The following PIP5K1B variants were observed in gnomAD, a reference collection of about 807,000 sequenced individuals.
The protein encoded by PIP5K1B is phosphatidylinositol-4-phosphate 5-kinase type 1 beta.
In PIP5K1B, 42 loss-of-function variants were observed where a neutral mutation model predicts 67.0. That is an observed-to-expected ratio of 0.63 (90% CI 0.49 to 0.81). The LOEUF (loss-of-function observed/expected upper bound fraction) is 0.81. PIP5K1B is among the 30% of genes least tolerant of loss of function. The pLI is 0.00. For missense variants in PIP5K1B, 459 were observed against 646.3 expected, an observed-to-expected ratio of 0.71 and a Z score of 3.14; for synonymous variants, 214 against 231.4, an observed-to-expected ratio of 0.92 and a Z score of 0.68.
intron 11 of PIP5K1B, among the ~76,000 whole-genome samples, chr9:68,922,966 G>C (rs1031461197): frequency 2.6e-4 from 40 of 152,174 alleles, no homozygotes; most frequent in African/African-American, 4.8e-5. Flanking sequence ...CTGGTTGCCT[G>C]TATGTAAAAA....
chr9:68,861,011 A>G (rs1250172604), intron 4 of PIP5K1B, among the ~76,000 whole-genome samples: 1 of 152,208 alleles, frequency 6.6e-6, no homozygotes, highest in Non-Finnish European at 1.5e-5. Context: ...TTTAGTAGTA[A>G]ACACTACATT....
intron 14 of PIP5K1B, among the ~76,000 whole-genome samples, chr9:68,977,292 C>T (rs542760861): frequency 1.1e-4 from 16 of 152,294 alleles, no homozygotes; most frequent in African/African-American, 3.8e-4. Flanking sequence ...GAGGCCAAGG[C>T]GAGCAGATCA....
chr9:68,823,325 C>T (rs1833823671), intron 4 of PIP5K1B, among the ~76,000 whole-genome samples: 1 of 152,014 alleles, frequency 6.6e-6, no homozygotes, highest in Non-Finnish European at 1.5e-5. Context: ...GTTTGAAGAC[C>T]CTTCTTATTC....
intron 2 of PIP5K1B, chr9:68,780,278 C>G (rs1183461126): frequency 1.3e-6 from 2 of 1,579,676 alleles, no homozygotes; most frequent in Non-Finnish European, 1.7e-6. Context: ...CTAACAGCGC[C>G]CCCCTGATCC....
chr9:68,752,337 A>G (rs2132354320), intron 2 of PIP5K1B, among the ~76,000 whole-genome samples: 1 of 152,344 alleles, frequency 6.6e-6, no homozygotes, highest in Admixed American at 6.5e-5. Context: ...AGCTTGCTCT[A>G]AGATGAGCAA....
chr9:68,982,524 A>T (rs1829922486), intron 14 of PIP5K1B, among the ~76,000 whole-genome samples: 1 of 152,192 alleles, frequency 6.6e-6, no homozygotes, highest in Non-Finnish European at 1.5e-5. Context: ...TGGGAGGCTG[A>T]GGTGGGTGGA....
chr9:68,917,634 G>T lies in PIP5K1B; in HGVS notation c.858G>T (p.Glu286Asp), dbSNP rs765895742. The T allele has an allele frequency of 6.2e-7, 1 of 1,613,928 alleles. No homozygotes were observed. Among genetic ancestry groups the T allele is most frequent in the East Asian group, 2.2e-5 (1 of 44,882 alleles). The change falls in exon 9 of 16, where the codon GAG (glutamate) becomes GAT (aspartate). Residue 286 changes from glutamate (E) to aspartate (D), a missense_variant. Coordinates refer to ENST00000265382, the MANE Select transcript of PIP5K1B (RefSeq NM_003558.4). ...ATTCCCTCAAAGAGAAAGAGGAGGA[G>T]ACCCCACAAAATGTGCCTGATGCTA... is the stretch of plus-strand genomic sequence containing the variant. ...LDHSLKEKEE[E>D]TPQNVPDAKR...
At chr9:68,733,900 C>A (rs758779252) in intron 1 of PIP5K1B, among the ~76,000 whole-genome samples, 18 of 151,958 alleles carry the variant, frequency 1.2e-4, no homozygotes, top group Non-Finnish European at 1.8e-4. Context: ...GGCCTCCCAA[C>A]GTGCTGGGAT....
At chr9:68,993,124 TGCACTCC>T (rs928146694) in intron 15 of PIP5K1B, among the ~76,000 whole-genome samples, 5 of 151,648 alleles carry the variant, frequency 3.3e-5, no homozygotes, top group Non-Finnish European at 7.4e-5. Flanking sequence ...ATCACGCCAC[TGCACTCC>T]AGCCTGGGCG....
chr9:68,887,167 G>T (rs1414416538), intron 6 of PIP5K1B, among the ~76,000 whole-genome samples: 2 of 152,156 alleles, frequency 1.3e-5, no homozygotes. Context: ...CTTTTTCCAT[G>T]ATCCATTTTT....
At chr9:68,768,639 G>C (rs773212591) in intron 2 of PIP5K1B, among the ~76,000 whole-genome samples, 4 of 152,140 alleles carry the variant, frequency 2.6e-5, no homozygotes, top group Non-Finnish European at 5.9e-5. Flanking sequence ...TTGTTTTTTA[G>C]TTCAACATCT....
At chr9:68,788,083 C>G (rs1370015918) in intron 2 of PIP5K1B, among the ~76,000 whole-genome samples, 1 of 152,206 alleles carries the variant, frequency 6.6e-6, no homozygotes, top group African/African-American at 2.4e-5. Context: ...CTACCCCCAT[C>G]ACACACCTTG....
chr9:68,811,309 G>A (rs1285405667), intron 2 of PIP5K1B, among the ~76,000 whole-genome samples: 1 of 152,050 alleles, frequency 6.6e-6, no homozygotes, highest in African/African-American at 2.4e-5. Flanking sequence ...TGTCCTTAGA[G>A]CCATTCCTTA....
At chr9:68,832,835 G>A (rs145233753) in intron 4 of PIP5K1B, among the ~76,000 whole-genome samples, 3 of 152,352 alleles carry the variant, frequency 2.0e-5, no homozygotes, top group Admixed American at 1.3e-4. Flanking sequence ...ATGCACTGCT[G>A]TCTACTTCAT....
At chr9:68,718,915 A>G (rs1827753597) in intron 1 of PIP5K1B, among the ~76,000 whole-genome samples, 1 of 151,964 alleles carries the variant, frequency 6.6e-6, no homozygotes, top group Non-Finnish European at 1.5e-5. Flanking sequence ...GTCCATTGTG[A>G]TTTTGGGAAC....
chr9:68,889,235 C>A, intron 7 of PIP5K1B, 102 bp downstream of exon 7: 1 of 835,890 alleles, frequency 1.2e-6, no homozygotes, highest in Non-Finnish European at 1.9e-6. Context: ...ATGTTTCTTT[C>A]TCTTTGGTAA....
intron 11 of PIP5K1B, among the ~76,000 whole-genome samples, chr9:68,920,048 A>C (rs1295875459): frequency 6.6e-6 from 1 of 152,206 alleles, no homozygotes; most frequent in African/African-American, 2.4e-5. Flanking sequence ...TTTGAAATGA[A>C]GTTCTCACAC....
chr9:68,999,075 G>A (rs1830708537), intron 15 of PIP5K1B, among the ~76,000 whole-genome samples: 1 of 152,112 alleles, frequency 6.6e-6, no homozygotes, highest in South Asian at 2.1e-4. Flanking sequence ...AGCCTCTGGT[G>A]GCTCCACATG....
intron 3 of PIP5K1B, among the ~76,000 whole-genome samples, chr9:68,819,013 T>G (rs1587500338): frequency 6.6e-6 from 1 of 152,208 alleles, no homozygotes; most frequent in South Asian, 2.1e-4. Flanking sequence ...TTAGAGACGA[T>G]GTCTCGCTGT....
Sources: allele counts gnomAD v4.1 joint callset (sites outside exome capture counted in the v4.1 genomes callset), GRCh38; gene constraint gnomAD v4.1.1; transcripts MANE v1.5; gene names NCBI Gene and HGNC (gene_info 2026-07-23, HGNC 2026-07-21).